Variants in OPA1 observed in about 807,000 individuals in gnomAD.
The protein encoded by OPA1 is OPA1 mitochondrial dynamin like GTPase.
A neutral mutation model predicts 152.9 loss-of-function variants in OPA1; 59 were observed. The observed-to-expected ratio is 0.39, with a 90% CI of 0.31 to 0.48. OPA1 has a LOEUF of 0.48. Ranked by LOEUF, OPA1 falls within the 20% of genes least tolerant of loss-of-function variation. The probability of loss-of-function intolerance (pLI) is 0.96; values close to 1 mark genes in which losing one functional copy is unlikely to be tolerated. For synonymous variants in OPA1, 400 were observed against 389.9 expected (o/e 1.03, Z -0.31); for missense variants, 1,008 against 1,216.8 (o/e 0.83, Z 2.55).
In OPA1 at chr3:193,688,449, C is replaced by CTTTTTTTTTTTTTTTTTTTTTTTTTTTTT. The variant is rs766448341; in HGVS notation, c.2984-3595_2984-3567dup. Among the ~76,000 whole-genome samples the CTTTTTTTTTTTTTTTTTTTTTTTTTTTTT allele has an allele frequency of 7.9e-5, 5 of 63,362 alleles. 1 individual carries two copies. The highest frequency in any genetic ancestry group is 1.3e-4 in the Non-Finnish European group (4 of 30,310). The allele number at this position is 63,362 out of a possible 152,430, so 41.6% of individuals were successfully genotyped here. Reference sequence around the variant, plus strand: ...TGATTTTTACTGAAATGGGTCTTTTCTTTTTTTTTTTTTTTTTTTTTTTTT... The same window carrying CTTTTTTTTTTTTTTTTTTTTTTTTTTTTT: ...TGATTTTTACTGAAATGGGTCTTTTCTTTTTTTTTTTTTTTTTTTTTTTTTTTTTTTTTTTTTTTTTTTTTTTTTTTTTT... On this transcript the variant is annotated intron_variant, in intron 29 of 30. Coordinates refer to ENST00000361510, the MANE Select transcript of OPA1 (RefSeq NM_130837.3).
chr3:193,645,506 T>C, intron 16 of OPA1, 47 bp from the exon 17 acceptor site: 2 of 1,452,374 alleles, frequency 1.4e-6, no homozygotes, highest in Non-Finnish European at 1.9e-6. Context: ...CTTTTAAAAC[T>C]TATGTAAACT....
At chr3:193,619,221 C>T (rs1161423710) in intron 6 of OPA1, among the ~76,000 whole-genome samples, 3 of 152,150 alleles carry the variant, frequency 2.0e-5, no homozygotes, top group Admixed American at 6.6e-5. Flanking sequence ...GAGAAAGGCT[C>T]GTTTAGACAA....
rs1366871388 is a variant in OPA1, at chr3:193,667,224, G to A, written c.2927G>A (p.Gly976Asp). ...KEVLEDFAED[G>D]EKKIKLLTGK... ...GTATTGGAAGATTTTGCTGAAGATG[G>A]TGAGAAGAAGATTAAATTGCTTACT... Residue 976 changes from glycine (G) to aspartate (D), a missense_variant, in exon 29 of 31, where the codon GGT becomes GAT. Physicochemically the swap from Gly to Asp is moderately conservative, Grantham distance 94. Coordinates refer to ENST00000361510, the MANE Select transcript of OPA1 (RefSeq NM_130837.3). 4 of 1,609,736 alleles carry A rather than the reference G, an allele frequency of 2.5e-6. No homozygotes were observed. Among genetic ancestry groups the A allele is most frequent in the Non-Finnish European group, 3.4e-6 (4 of 1,176,002 alleles).
At chr3:193,614,653 C>T in intron 1 of OPA1, 70 bp from the exon 2 acceptor site, 2 of 1,157,896 alleles carry the variant, frequency 1.7e-6, no homozygotes, top group Non-Finnish European at 1.3e-6. Context: ...TAGTATATTG[C>T]TCTTTTAATG....
Position 193,633,967 on chromosome 3 carries a change from TAGG to T in OPA1, c.844-1450_844-1448del, listed in dbSNP as rs1374075596. On this transcript the variant is annotated intron_variant, in intron 8 of 30. Transcript: ENST00000361510. Reference sequence around the variant, plus strand: ...GTAGTTCTGCCTGTCTCATACTATGTAGGTGTTCAATTATGTATGCGTTCTTTT... The same window carrying T: ...GTAGTTCTGCCTGTCTCATACTATGTTGTTCAATTATGTATGCGTTCTTTT... Among the ~76,000 whole-genome samples the T allele has an allele frequency of 2.8e-3, 428 of 152,314 alleles. 2 individuals are homozygous for T. Among genetic ancestry groups the T allele is most frequent in the South Asian group, 0.017 (80 of 4,830 alleles).
Position 193,667,269 on chromosome 3 carries a change from C to A in OPA1, c.2972C>A (p.Ala991Glu). 6.5e-7 allele frequency: 1 copy of A among 1,538,658 alleles called. No homozygotes were observed. Among genetic ancestry groups the A allele is most frequent in the Non-Finnish European group, 9.0e-7 (1 of 1,111,276 alleles). ...KLLTGKRVQLAEDLKKVREIQ... is the reference protein window; with the variant it reads ...KLLTGKRVQLEEDLKKVREIQ... ...CTTACTGGTAAACGCGTTCAACTGG[C>A]GGAAGACCTCAGTGAGTAGTTCTTA... is the stretch of plus-strand genomic sequence containing the variant. Residue 991 changes from alanine (A) to glutamate (E), a missense_variant, in exon 29 of 31, where the codon GCG becomes GAG. Coordinates refer to ENST00000361510, the MANE Select transcript of OPA1 (RefSeq NM_130837.3).
Position 193,645,868 on chromosome 3 carries a change from C to T in OPA1, c.1754+68C>T, listed in dbSNP as rs1414556566. ...AGTAGCTTAAATTGAACTGTTTTCACTTAAAACATCAGGTTTTATAACTAT... is the reference window on the plus strand; with the variant it reads ...AGTAGCTTAAATTGAACTGTTTTCATTTAAAACATCAGGTTTTATAACTAT... On this transcript the variant is annotated intron_variant, in intron 18 of 30. Coordinates refer to ENST00000361510, the MANE Select transcript of OPA1 (RefSeq NM_130837.3). 3 of 1,209,876 alleles carry T rather than the reference C, an allele frequency of 2.5e-6. No homozygotes were observed. The African/African-American group carries it at 4.5e-5, about 18-fold the overall frequency. The allele number at this position is 1,209,876 out of a possible 1,614,324, so 74.9% of individuals were successfully genotyped here.
chr3:193,629,105 G>T (rs1731656071), intron 7 of OPA1, among the ~76,000 whole-genome samples: 1 of 151,906 alleles, frequency 6.6e-6, no homozygotes. Flanking sequence ...TAGAGACGGG[G>T]TTTCTTCATG....
Position 193,614,925 on chromosome 3 carries a change from A to G in OPA1, c.235A>G (p.Lys79Glu). Residue 79 changes from lysine to glutamate, a missense_variant, in exon 2 of 31, where the codon AAA (lysine) becomes GAA (glutamate). By Grantham distance (56) the Lys-to-Glu change is moderately conservative. Coordinates refer to ENST00000361510, the MANE Select transcript of OPA1 (RefSeq NM_130837.3). ...ACGTAAACTGAAATTCTCTCCAATT[A>G]AATATGGCTACCAGCCTCGCAGGAA... The part of the protein sequence containing the change: ...PLRKLKFSPI[K>E]YGYQPRRNFW... 6.2e-7 allele frequency: 1 copy of G among 1,613,896 alleles called. No homozygotes were observed. The highest frequency in any genetic ancestry group is 1.1e-5 in the South Asian group (1 of 91,078).
intron 6 of OPA1, among the ~76,000 whole-genome samples, chr3:193,620,326 A>AGGGC: frequency 6.6e-6 from 1 of 152,202 alleles, no homozygotes; most frequent in South Asian, 2.1e-4. Context: ...AACCTGTCTC[A>AGGGC]GGGCCTGACT....
chr3:193,683,868 T>C (rs545584918), intron 29 of OPA1, among the ~76,000 whole-genome samples: 5 of 152,318 alleles, frequency 3.3e-5, no homozygotes, highest in African/African-American at 9.6e-5. Context: ...CTTATGTGAC[T>C]CACTTTATTG....
chr3:193,604,244 A>G (rs1039355167), intron 1 of OPA1, among the ~76,000 whole-genome samples: 2 of 152,214 alleles, frequency 1.3e-5, no homozygotes, highest in African/African-American at 4.8e-5. Context: ...ATGAACAAAC[A>G]AAGTGAAAGG....
At chr3:193,594,075 CATT>C (rs1725117752) in intron 1 of OPA1, among the ~76,000 whole-genome samples, 1 of 152,150 alleles carries the variant, frequency 6.6e-6, no homozygotes, top group Non-Finnish European at 1.5e-5. Context: ...TAATCTCAAT[CATT>C]GTTGCCCTGG....
rs199763700 is a variant in OPA1, at chr3:193,666,404, G to C, written c.2872+15G>C. ...AAATACTGAAGGTAAGCCACATAGG[G>C]ACTGCAGTCTTATTTTGACATTAAA... On this transcript the variant is annotated intron_variant, in intron 28 of 30. Transcript: ENST00000361510. The C allele has an allele frequency of 2.3e-4, 368 of 1,574,928 alleles. 3 individuals carry two copies. The African/African-American group carries it at 4.2e-3, about 18-fold the overall frequency.
At chr3:193,676,937 C>A (rs989234580) in intron 29 of OPA1, among the ~76,000 whole-genome samples, 17 of 144,282 alleles carry the variant, frequency 1.2e-4, no homozygotes, top group African/African-American at 2.9e-4. Flanking sequence ...GCCGAGATCG[C>A]GCCACTGCAC....
intron 29 of OPA1, among the ~76,000 whole-genome samples, chr3:193,669,091 C>G (rs1470169456): frequency 2.0e-5 from 3 of 152,146 alleles, no homozygotes; most frequent in Admixed American, 6.5e-5. Flanking sequence ...GAAAGAAGTT[C>G]TGCAAATTTA....
chr3:193,624,539 T>A (rs1210792565), intron 6 of OPA1, among the ~76,000 whole-genome samples: 1 of 152,160 alleles, frequency 6.6e-6, no homozygotes, highest in Non-Finnish European at 1.5e-5. Flanking sequence ...AATAATTTTT[T>A]TTAAAGGTAA....
chr3:193,597,690 CAAAAAAAAA>C (rs75168011), intron 1 of OPA1, among the ~76,000 whole-genome samples: 1 of 80,304 alleles, frequency 1.2e-5, no homozygotes, highest in Admixed American at 1.3e-4. Flanking sequence ...GACTCCGTTT[CAAAAAAAAA>C]AAAAAAAAAA....
intron 29 of OPA1, among the ~76,000 whole-genome samples, chr3:193,681,981 TC>T (rs1720216302): frequency 6.6e-6 from 1 of 152,322 alleles, no homozygotes; most frequent in African/African-American, 2.4e-5. Flanking sequence ...GTGCCATATT[TC>T]ACTTTAAATC....
Sources: gnomAD v4.1 joint callset for allele counts (sites outside exome capture counted in the v4.1 genomes callset) on GRCh38, gnomAD v4.1.1 for gene constraint, MANE v1.5 for transcripts, NCBI Gene and HGNC (gene_info 2026-07-23, HGNC 2026-07-21) for gene names.